DLG2: variants seen among roughly 807,000 people sequenced by gnomAD.
DLG2 encodes the protein discs large MAGUK scaffold protein 2, also known as disks large homolog 2.
A neutral mutation model predicts 132.5 loss-of-function variants in DLG2; 45 were observed. The ratio of observed to expected loss-of-function variants is 0.34; its 90% confidence interval spans 0.27 to 0.44. The LOEUF is 0.44. DLG2 is among the 20% of genes least tolerant of loss of function. DLG2 has a pLI of 1.00. For missense variants in DLG2, 1,045 were observed against 1,196.9 expected (o/e 0.87, Z 1.87); for synonymous variants, 424 against 419.6 (o/e 1.01, Z -0.13).
chr11:83,639,446 T>G (rs1169780712), intron 18 of DLG2, among the ~76,000 whole-genome samples: 1 of 152,180 alleles, frequency 6.6e-6, no homozygotes, highest in Non-Finnish European at 1.5e-5. Flanking sequence ...GATGAGTTCA[T>G]GTTCTTTGCA....
intron 14 of DLG2, among the ~76,000 whole-genome samples, chr11:83,934,328 T>C (rs181468513): frequency 1.1e-3 from 161 of 152,320 alleles, no homozygotes; most frequent in Admixed American, 2.4e-3. Context: ...CTGAGACTAA[T>C]ACCAGACTGA....
intron 21 of DLG2, among the ~76,000 whole-genome samples, chr11:83,520,006 C>T (rs2095422979): frequency 6.6e-6 from 1 of 152,150 alleles, no homozygotes; most frequent in Non-Finnish European, 1.5e-5. Context: ...GGTATTAATT[C>T]TTTGGGCAGG....
intron 4 of DLG2, among the ~76,000 whole-genome samples, chr11:85,211,294 A>G (rs1451918841): frequency 6.6e-6 from 1 of 152,196 alleles, no homozygotes; most frequent in Non-Finnish European, 1.5e-5. Context: ...AGATAAATAT[A>G]TAAACGAGTA....
intron 2 of DLG2, among the ~76,000 whole-genome samples, chr11:85,601,785 C>A (rs1311309034): frequency 6.6e-6 from 1 of 152,120 alleles, no homozygotes; most frequent in Non-Finnish European, 1.5e-5. Flanking sequence ...TTCATGGATG[C>A]CCTTTCTCAA....
chr11:84,667,720 A>T (rs993334458), intron 6 of DLG2, among the ~76,000 whole-genome samples: 1 of 151,736 alleles, frequency 6.6e-6, no homozygotes, highest in Non-Finnish European at 1.5e-5. Context: ...GCTGGTTTTG[A>T]ACTCCTGACC....
chr11:83,471,105 T>A (rs2091968222), intron 24 of DLG2, among the ~76,000 whole-genome samples: 2 of 152,094 alleles, frequency 1.3e-5, no homozygotes, highest in African/African-American at 4.8e-5. Flanking sequence ...AAGTCTGTAA[T>A]GGCCTAGAGG....
intron 4 of DLG2, among the ~76,000 whole-genome samples, chr11:85,282,312 A>T (rs1331055389): frequency 6.6e-6 from 1 of 151,926 alleles, no homozygotes; most frequent in African/African-American, 2.4e-5. Flanking sequence ...GGCAGCTATG[A>T]TTAATAATAT....
chr11:84,965,914 C>A (rs1003217549), intron 6 of DLG2, among the ~76,000 whole-genome samples: 1 of 152,170 alleles, frequency 6.6e-6, no homozygotes, highest in African/African-American at 2.4e-5. Context: ...AGATACGAGT[C>A]TTCTAAATAA....
At chr11:83,537,837 A>AG (rs2095934216) in intron 20 of DLG2, among the ~76,000 whole-genome samples, 3 of 87,844 alleles carry the variant, frequency 3.4e-5, no homozygotes, top group African/African-American at 1.6e-4. Flanking sequence ...AAAAAAAAAG[A>AG]GAGAGAGAGA....
At chr11:85,566,739 G>A (rs1326782021) in intron 3 of DLG2, among the ~76,000 whole-genome samples, 3 of 151,548 alleles carry the variant, frequency 2.0e-5, no homozygotes, top group East Asian at 1.9e-4. Context: ...TGTGGGGAAC[G>A]CTAACATTCG....
chr11:84,721,700 A>G (rs1179618946), intron 6 of DLG2, among the ~76,000 whole-genome samples: 4 of 152,224 alleles, frequency 2.6e-5, no homozygotes, highest in Non-Finnish European at 5.9e-5. Context: ...ACTATGCCTC[A>G]CAGATGGTTG....
At chr11:83,990,092 T>C (rs1485666012) in intron 11 of DLG2, among the ~76,000 whole-genome samples, 1 of 152,160 alleles carries the variant, frequency 6.6e-6, no homozygotes, top group Non-Finnish European at 1.5e-5. Context: ...GACTAAACAT[T>C]ACTGCATGTG....
chr11:85,292,680 G>A (rs1208983789), intron 3 of DLG2, among the ~76,000 whole-genome samples: 3 of 87,798 alleles, frequency 3.4e-5, no homozygotes, highest in African/African-American at 8.3e-5. Flanking sequence ...GAGGGAGGGA[G>A]GGAGGGAGGG....
chr11:84,198,364 T>C (rs74485771), intron 8 of DLG2, among the ~76,000 whole-genome samples: 1 of 152,254 alleles, frequency 6.6e-6, no homozygotes, highest in African/African-American at 2.4e-5. Context: ...TTGTTTCTTA[T>C]AGTAATTCTC....
At position 83,455,676 on chromosome 11, in the gene DLG2, G is replaced by A. The variant is rs1591136021; in HGVS notation, c.*4142C>T. ...TATTTACAGACTTGAGTGTGTGTGT[G>A]TGTTTCCAACCACAGTCATTCATAC... On this transcript the variant is annotated 3_prime_UTR_variant, in exon 28 of 28. Coordinates refer to ENST00000376104, the MANE Select transcript of DLG2 (RefSeq NM_001142699.3). 6.5e-6 allele frequency: 1 copy of A among 152,738 alleles called. No individual in the cohort carries two copies. Among genetic ancestry groups the A allele is most frequent in the Non-Finnish European group, 1.5e-5 (1 of 68,046 alleles). 9.5% of individuals were successfully genotyped at this position (152,738 alleles called of 1,614,324 possible). A position where few individuals can be genotyped will look rare whatever the true frequency, so the allele number is the denominator to read the frequency against.
chr11:83,783,996 T>G (rs1014696254), intron 18 of DLG2, among the ~76,000 whole-genome samples: 4 of 152,218 alleles, frequency 2.6e-5, no homozygotes, highest in African/African-American at 9.7e-5. Flanking sequence ...TACTTAAGGT[T>G]AGGGGCAGAT....
At chr11:83,501,733 A>G (rs2139143442) in intron 21 of DLG2, among the ~76,000 whole-genome samples, 1 of 152,314 alleles carries the variant, frequency 6.6e-6, no homozygotes, top group Non-Finnish European at 1.5e-5. Flanking sequence ...CCAGAGACTG[A>G]CATAACAGTT....
At chr11:85,042,281 A>G (rs996919678) in intron 6 of DLG2, among the ~76,000 whole-genome samples, 1 of 151,948 alleles carries the variant, frequency 6.6e-6, no homozygotes, top group Non-Finnish European at 1.5e-5. Context: ...TAAATAAGGT[A>G]TCCAAAGGCA....
At chr11:85,468,653 TTGATTGCAC>T (rs1267601491) in intron 3 of DLG2, among the ~76,000 whole-genome samples, 1 of 152,212 alleles carries the variant, frequency 6.6e-6, no homozygotes, top group East Asian at 1.9e-4. Context: ...GAGTTCTAGT[TTGATTGCAC>T]TGTGGTCTGA....
Sources: allele counts gnomAD v4.1 joint callset (sites outside exome capture counted in the v4.1 genomes callset), GRCh38; gene constraint gnomAD v4.1.1; transcripts MANE v1.5; gene names NCBI Gene and HGNC (gene_info 2026-07-23, HGNC 2026-07-21).